CHRNA5: variants seen among roughly 807,000 people sequenced by gnomAD.
CHRNA5 encodes neuronal acetylcholine receptor subunit alpha-5.
A neutral mutation model predicts 41.2 loss-of-function variants in CHRNA5; 28 were observed. The observed-to-expected ratio is 0.68, with a 90% CI of 0.50 to 0.93. CHRNA5 has a LOEUF of 0.93. Ranked by LOEUF, CHRNA5 falls within the 40% of genes least tolerant of loss-of-function variation. The pLI is 0.00. For synonymous variants in CHRNA5, 188 were observed against 205.8 expected, an observed-to-expected ratio of 0.91 and a Z score of 0.74; for missense variants, 481 against 581.9, an observed-to-expected ratio of 0.83 and a Z score of 1.78.
At chr15:78,592,910 A>G (rs2053033763) in intron 5 of CHRNA5, 182 bp from the exon 6 acceptor site, 2 of 523,286 alleles carry the variant, frequency 3.8e-6, no homozygotes, top group Admixed American at 3.7e-5. Flanking sequence ...TTTAAAGCTT[A>G]TATCTATAGT....
intron 1 of CHRNA5, among the ~76,000 whole-genome samples, chr15:78,571,682 C>T (rs56219480): frequency 0.029 from 4,340 of 150,094 alleles, 108 homozygotes; most frequent in Non-Finnish European, 0.045. Flanking sequence ...TTTCTTACTG[C>T]GAGTGTTCTG....
At chr15:78,566,038 T>C (rs2052744006) in intron 1 of CHRNA5, among the ~76,000 whole-genome samples, 1 of 152,188 alleles carries the variant, frequency 6.6e-6, no homozygotes, top group Non-Finnish European at 1.5e-5. Flanking sequence ...GTTTTCTTTG[T>C]TGTTCCACGA....
chr15:78,583,247 T>C (rs1461889709), intron 2 of CHRNA5, among the ~76,000 whole-genome samples: 1 of 152,032 alleles, frequency 6.6e-6, no homozygotes, highest in East Asian at 1.9e-4. Flanking sequence ...AAAACAGTAA[T>C]GTACATGGTT....
At chr15:78,586,710 C>G (rs771582989) in intron 3 of CHRNA5, 21 bp downstream of exon 3, 1 of 1,580,884 alleles carries the variant, frequency 6.3e-7, no homozygotes, top group South Asian at 1.2e-5. Context: ...AAAATTCAAA[C>G]GGGCACCCAA....
intron 1 of CHRNA5, among the ~76,000 whole-genome samples, chr15:78,577,352 G>C (rs113952108): frequency 0.032 from 4,831 of 152,220 alleles, 263 homozygotes; most frequent in African/African-American, 0.11. Flanking sequence ...AGCTAAAAAA[G>C]CATGACTGCT....
Position 78,590,051 on chromosome 15 carries a change from T to TGTGA in CHRNA5, c.664_667dup (p.Ala223GlufsTer57), listed in dbSNP as rs2052997100. On this transcript the variant is annotated frameshift_variant, in exon 5 of 6. Transcript: ENST00000299565. LOFTEE classifies it high-confidence loss of function. ...TTTTTGATAATGGAGAATGGGAGAT[T>TGTGA]GTGAGTGCAACAGGGAGCAAAGGAA... 27 of 1,614,186 alleles carry TGTGA rather than the reference T, an allele frequency of 1.7e-5. No homozygotes were observed. Among genetic ancestry groups the TGTGA allele is most frequent in the Non-Finnish European group, 2.3e-5 (27 of 1,180,030 alleles).
In CHRNA5 at chr15:78,588,492, T is replaced by TAG; in HGVS notation, c.413+70_413+71insGA. 2.8e-6 allele frequency: 2 copies of TAG among 719,664 alleles called. No individual in the cohort carries two copies. The highest frequency in any genetic ancestry group is 4.2e-6 in the Non-Finnish European group (2 of 473,892). The allele number at this position is 719,664 out of a possible 1,614,324, so 44.6% of individuals were successfully genotyped here. A position where few individuals can be genotyped will look rare whatever the true frequency, so the allele number is the denominator to read the frequency against. ...CATTTGTATTTCTATTAGGCACTAA[T>TAG]AATTTTTCTCCCTTTTGAAATTGTT... On this transcript the variant is annotated intron_variant, in intron 4 of 5. Transcript: ENST00000299565. The surrounding 1 kb of genome is among the most constrained non-coding windows in gnomAD (Gnocchi z 4.1).
At chr15:78,594,245 C>T (rs1035742306) in exon 6 of CHRNA5, 2 of 152,178 alleles carry the variant, frequency 1.3e-5, no homozygotes, top group East Asian at 1.9e-4. Context: ...AGTAGCATAT[C>T]CTTAACATTA....
intron 2 of CHRNA5, among the ~76,000 whole-genome samples, chr15:78,583,795 G>A (rs2052934747): frequency 6.6e-6 from 1 of 152,154 alleles, no homozygotes; most frequent in Non-Finnish European, 1.5e-5. Context: ...CAAAGAAAAT[G>A]TTCACTAGCT....
intron 1 of CHRNA5, among the ~76,000 whole-genome samples, chr15:78,566,647 ATGAG>A (rs1158246905): frequency 6.6e-6 from 1 of 152,220 alleles, no homozygotes; most frequent in African/African-American, 2.4e-5. Flanking sequence ...TTCAGGTTTT[ATGAG>A]TGAGTTTCTT....
At chr15:78,594,696 A>T (rs747116248) in exon 6 of CHRNA5, 1 of 152,222 alleles carries the variant, frequency 6.6e-6, no homozygotes, top group Non-Finnish European at 1.5e-5. Flanking sequence ...TTTGGTCTAA[A>T]TCATTCTGTG....
intron 5 of CHRNA5, among the ~76,000 whole-genome samples, chr15:78,591,732 G>A (rs1444020460): frequency 1.3e-5 from 2 of 151,984 alleles, no homozygotes; most frequent in Non-Finnish European, 2.9e-5. Context: ...AGGTTTTTGG[G>A]GAACATGTGT....
chr15:78,585,787 C>CTTTTT (rs1315604579), intron 2 of CHRNA5, among the ~76,000 whole-genome samples: 1 of 62,548 alleles, frequency 1.6e-5, no homozygotes, highest in Admixed American at 2.3e-4. Flanking sequence ...CTTTTCTTTT[C>CTTTTT]TTTCTTTTTT....
At chr15:78,572,705 A>T (rs540476036) in intron 1 of CHRNA5, among the ~76,000 whole-genome samples, 1 of 151,504 alleles carries the variant, frequency 6.6e-6, no homozygotes, top group South Asian at 2.1e-4. Flanking sequence ...CTGGTCTCGA[A>T]CTCCCGACCT....
intron 1 of CHRNA5, among the ~76,000 whole-genome samples, chr15:78,578,462 A>G (rs2052879075): frequency 6.6e-6 from 1 of 152,038 alleles, no homozygotes; most frequent in South Asian, 2.1e-4. Flanking sequence ...AGCCGAGATC[A>G]CACCACTGCA....
chr15:78,568,529 A>T (rs1330055510), intron 1 of CHRNA5, among the ~76,000 whole-genome samples: 4 of 151,922 alleles, frequency 2.6e-5, no homozygotes, highest in African/African-American at 9.7e-5. Context: ...GGTTTGTTAC[A>T]TAGGTATACA....
intron 1 of CHRNA5, among the ~76,000 whole-genome samples, chr15:78,577,824 A>AG (rs1194046540): frequency 6.6e-6 from 1 of 151,334 alleles, no homozygotes; most frequent in East Asian, 2.0e-4. Flanking sequence ...CCAGTTACTC[A>AG]GGAGGCTGAG....
At position 78,593,017 on chromosome 15, in the gene CHRNA5, C is replaced by T. The variant is rs922012434; in HGVS notation, c.1246-75C>T. The T allele has an allele frequency of 3.9e-6, 6 of 1,537,442 alleles. No homozygotes were observed. In the Admixed American group the frequency reaches 6.0e-5, roughly 15 times the overall value. On this transcript the variant is annotated intron_variant, in intron 5 of 5. Coordinates refer to ENST00000299565, the Ensembl canonical transcript of CHRNA5. ...GCAGAAATCGATTTGGCTTCTAACT[C>T]AGTGTGTTTGTTATATCTTAAAATA...
rs2053001399 is a variant in CHRNA5 at position 78,590,377 on chromosome 15, T to C, written c.986T>C (p.Met329Thr). The C allele has an allele frequency of 6.2e-7, 1 of 1,614,242 alleles. No individual in the cohort carries two copies. Among genetic ancestry groups the C allele is most frequent in the Non-Finnish European group, 8.5e-7 (1 of 1,180,042 alleles). ...ATGATTTTTGTGACACTGTCAATTA[T>C]GGTAACCGTCTTCGCTATCAACATT... Residue 329 changes from methionine to threonine, a missense_variant, in exon 5 of 6, where the codon ATG becomes ACG. Physicochemically the swap from Met to Thr is moderately conservative, Grantham distance 81. Coordinates refer to ENST00000299565, the Ensembl canonical transcript of CHRNA5.
Sources: allele counts gnomAD v4.1 joint callset (sites outside exome capture counted in the v4.1 genomes callset), GRCh38; gene constraint gnomAD v4.1.1; non-coding constraint Gnocchi (gnomAD v3.1); transcripts MANE v1.5; gene names NCBI Gene and HGNC (gene_info 2026-07-23, HGNC 2026-07-21).